DOCK10: variants seen among roughly 807,000 people sequenced by gnomAD.
DOCK10 encodes the protein dedicator of cytokinesis protein 10.
In DOCK10, 145 loss-of-function variants were observed where a neutral mutation model predicts 280.1. That is an observed-to-expected ratio of 0.52 (90% CI 0.45 to 0.59). The LOEUF is 0.59. DOCK10 is among the 20% of genes least tolerant of loss of function. The probability of loss-of-function intolerance (pLI) is 0.00; values close to 1 mark genes in which losing one functional copy is unlikely to be tolerated. For synonymous variants in DOCK10, 915 were observed against 942.2 expected (o/e 0.97, Z 0.53); for missense variants, 2,368 against 2,651.7 (o/e 0.89, Z 2.35).
At chr2:224,943,671 C>G (rs17271602) in intron 1 of DOCK10, among the ~76,000 whole-genome samples, 36,384 of 151,766 alleles carry the variant, frequency 0.24, 4,838 homozygotes, top group South Asian at 0.33. Context: ...GGCATTTTGT[C>G]AACTGAATTG....
intron 1 of DOCK10, among the ~76,000 whole-genome samples, chr2:225,023,488 T>C (rs972421827): frequency 1.3e-5 from 2 of 152,070 alleles, no homozygotes; most frequent in Non-Finnish European, 2.9e-5. Flanking sequence ...TATAGGGAAA[T>C]GCAAATTTGA....
chr2:224,831,260 C>T (rs1695210860), intron 26 of DOCK10, among the ~76,000 whole-genome samples: 1 of 152,106 alleles, frequency 6.6e-6, no homozygotes, highest in Non-Finnish European at 1.5e-5. Flanking sequence ...TTGTACCAAG[C>T]TCACCCCTCA....
In DOCK10 at chr2:224,862,719, T is replaced by G; in HGVS notation, c.1630A>C (p.Arg544=). The G allele has an allele frequency of 6.2e-7, 1 of 1,610,100 alleles. No homozygotes were observed. Residue 544 remains arginine, a synonymous_variant, in exon 14 of 56, where the codon AGA becomes CGA. Coordinates refer to ENST00000258390, the MANE Select transcript of DOCK10 (RefSeq NM_014689.3). ...TTTCCCAATTTGCTGCAGAATTGTC[T>G]GTTGGATTTTAGTATCTTTTGTGCA... is the stretch of plus-strand genomic sequence containing the variant. ...KYAQKILKSN[R]QFCSKLGKYR...
At chr2:224,951,765 C>T (rs982465714) in intron 1 of DOCK10, among the ~76,000 whole-genome samples, 3 of 152,160 alleles carry the variant, frequency 2.0e-5, no homozygotes, top group African/African-American at 7.2e-5. Context: ...GGTGGTATCT[C>T]TTTCTGGAGG....
At chr2:224,879,869 T>C (rs568832600) in intron 7 of DOCK10, among the ~76,000 whole-genome samples, 12 of 152,264 alleles carry the variant, frequency 7.9e-5, no homozygotes, top group African/African-American at 2.9e-4. Context: ...TATTTGATTA[T>C]AGAAAAATGC....
At chr2:224,822,580 C>T (rs1367771091) in intron 28 of DOCK10, among the ~76,000 whole-genome samples, 1 of 152,036 alleles carries the variant, frequency 6.6e-6, no homozygotes, top group Non-Finnish European at 1.5e-5. Flanking sequence ...CAAAAATTAG[C>T]CAGGTTTGTG....
intron 1 of DOCK10, among the ~76,000 whole-genome samples, chr2:224,976,739 G>C (rs1182365736): frequency 6.6e-6 from 1 of 151,926 alleles, no homozygotes; most frequent in East Asian, 1.9e-4. Context: ...CACCAGACAG[G>C]GGTCAGTAAG....
intron 1 of DOCK10, among the ~76,000 whole-genome samples, chr2:225,015,583 A>C (rs1689567193): frequency 6.6e-6 from 1 of 152,136 alleles, no homozygotes. Flanking sequence ...AATACCTGAA[A>C]CCCAGGCCAG....
intron 4 of DOCK10, 30 bp from the exon 5 acceptor site, chr2:224,886,561 T>C: frequency 1.9e-6 from 3 of 1,545,406 alleles, no homozygotes; most frequent in Non-Finnish European, 2.6e-6. Flanking sequence ...AAGATTCTGA[T>C]TTGTCATTGG....
intron 1 of DOCK10, among the ~76,000 whole-genome samples, chr2:225,030,843 CA>C (rs1375705265): frequency 6.6e-6 from 1 of 151,972 alleles, no homozygotes; most frequent in African/African-American, 2.4e-5. Context: ...ACAATTTGTA[CA>C]ATTTGTATAA....
chr2:224,967,149 G>C (rs1303439311), intron 1 of DOCK10, among the ~76,000 whole-genome samples: 1 of 149,618 alleles, frequency 6.7e-6, no homozygotes, highest in African/African-American at 2.5e-5. Context: ...GCGAGATCTC[G>C]GCTCACTGCA....
chr2:224,911,131 G>C (rs555914969), intron 3 of DOCK10, among the ~76,000 whole-genome samples: 1 of 152,118 alleles, frequency 6.6e-6, no homozygotes, highest in Non-Finnish European at 1.5e-5. Flanking sequence ...ACTCTACTTG[G>C]TTTCTCCTTG....
chr2:224,787,114 C>T lies in DOCK10; in HGVS notation c.5563G>A (p.Asp1855Asn), dbSNP rs1439819659. ...ACTTTCAGATATGACCGATGAATGT[C>T]GTAGTAGAGATCTGACAATTTCTGA... ...DFKKLSDLYY[D>N]IHRSYLKVAE... The change falls in exon 50 of 56, where the codon GAC becomes AAC. Residue 1855 changes from aspartate to asparagine, a missense_variant. Physicochemically the swap from Asp to Asn is conservative, Grantham distance 23. Transcript: ENST00000258390. 48 of 1,613,748 alleles carry T rather than the reference C, an allele frequency of 3.0e-5. No homozygotes were observed. Among genetic ancestry groups the T allele is most frequent in the Non-Finnish European group, 3.7e-5 (44 of 1,179,798 alleles).
rs755449319 is a variant in DOCK10 at position 224,849,565 on chromosome 2, G to A, written c.2177C>T (p.Thr726Ile). 16 of 1,611,514 alleles carry A rather than the reference G, an allele frequency of 9.9e-6. No homozygotes were observed. In the Admixed American group the frequency reaches 2.0e-4, roughly 20 times the overall value. Residue 726 changes from threonine (T) to isoleucine (I), a missense_variant, in exon 19 of 56, where the codon ACC (threonine) becomes ATC (isoleucine). Thr to Ile is a moderately conservative substitution (Grantham distance 89, BLOSUM62 -1). Around this residue, in one of 2 missense-constraint regions of DOCK10, gnomAD observed 1,209 missense variants for 1,250.9 expected, o/e 0.97. Transcript: ENST00000258390. The stretch of plus-strand genomic sequence containing the variant: ...CAGAACTGCTGTGTAGGCGGCTGAG[G>A]TGAAGAGGGGCCCTCCAGGTTTTCC... ...IYGKPGGPLFTSAAYTAVLHH... is the reference protein window; with the variant it reads ...IYGKPGGPLFISAAYTAVLHH...
rs984226991 is a variant in DOCK10 at position 224,932,644 on chromosome 2, C to A, written c.124-976G>T. Among the ~76,000 whole-genome samples the A allele has an allele frequency of 3.3e-5, 5 of 152,148 alleles. No individual in the cohort carries two copies. The East Asian group carries it at 9.6e-4, about 29-fold the overall frequency. On this transcript the variant is annotated intron_variant, in intron 1 of 55. Coordinates refer to ENST00000258390, the MANE Select transcript of DOCK10 (RefSeq NM_014689.3). ...TACAAAATTTGAACGCTAAAGTGAT[C>A]CCATAAGTGAAAAAAATTATTATTT... is the stretch of plus-strand genomic sequence containing the variant.
At chr2:225,020,592 G>A (rs143239457) in intron 1 of DOCK10, among the ~76,000 whole-genome samples, 4 of 152,316 alleles carry the variant, frequency 2.6e-5, no homozygotes, top group South Asian at 4.1e-4. Context: ...TCTGAATAGA[G>A]GTAGCTATTT....
Position 224,845,649 on chromosome 2 carries a change from C to A in DOCK10, c.2236-7G>T. The A allele has an allele frequency of 1.9e-6, 3 of 1,605,688 alleles. No homozygotes were observed. The highest frequency in any genetic ancestry group is 2.5e-6 in the Non-Finnish European group (3 of 1,176,798). On this transcript the variant is annotated splice_region_variant and splice_polypyrimidine_tract_variant and intron_variant, in intron 19 of 55. Coordinates refer to ENST00000258390, the MANE Select transcript of DOCK10 (RefSeq NM_014689.3). ...TTGGTAGCTCAATTTTCACCTGCAA[C>A]GAAAGAAACCATAGTTGGACTGAGA...
At chr2:224,945,685 A>T (rs1048304516) in intron 1 of DOCK10, among the ~76,000 whole-genome samples, 43 of 152,142 alleles carry the variant, frequency 2.8e-4, no homozygotes, top group Middle Eastern at 3.4e-3. Context: ...GTGCATATAT[A>T]TATATATAAT....
chr2:224,815,131 T>C (rs1382744171), intron 30 of DOCK10, among the ~76,000 whole-genome samples: 2 of 152,166 alleles, frequency 1.3e-5, no homozygotes, highest in Non-Finnish European at 2.9e-5. Context: ...GCTGTTCTCA[T>C]GACAGTAAGT....
Sources: allele counts gnomAD v4.1 joint callset (sites outside exome capture counted in the v4.1 genomes callset), GRCh38; gene constraint gnomAD v4.1.1; regional missense constraint gnomAD v4.1.1; transcripts MANE v1.5; gene names NCBI Gene and HGNC (gene_info 2026-07-23, HGNC 2026-07-21).